Variants in ZGRF1 observed in about 807,000 individuals in gnomAD.
ZGRF1 encodes zinc finger GRF-type containing 1.
ZGRF1 carries 196 observed loss-of-function variants against 203.5 expected under a neutral mutation model. The ratio of observed to expected loss-of-function variants is 0.96; its 90% CI spans 0.86 to 1.08. The LOEUF (loss-of-function observed/expected upper bound fraction) is 1.08, where lower values mean the gene tolerates loss of function less well. Among genes scored for constraint, ZGRF1 ranks in the 50% least tolerant of loss-of-function variants. ZGRF1 has a pLI of 0.00. For synonymous variants in ZGRF1, 809 were observed against 841.3 expected (o/e 0.96, Z 0.66); for missense variants, 2,326 against 2,416.3 (o/e 0.96, Z 0.78).
intron 20 of ZGRF1, among the ~76,000 whole-genome samples, chr4:112,556,184 C>G (rs1740912670): frequency 6.6e-6 from 1 of 151,838 alleles, no homozygotes; most frequent in Non-Finnish European, 1.5e-5. Context: ...TATTTAGAAG[C>G]TTAAAAGTTT....
chr4:112,576,368 C>G (rs538261930), intron 16 of ZGRF1, among the ~76,000 whole-genome samples: 1 of 152,144 alleles, frequency 6.6e-6, no homozygotes, highest in African/African-American at 2.4e-5. Context: ...AAAATCAGAG[C>G]GCCTCTCCTC....
At chr4:112,587,989 T>A in intron 11 of ZGRF1, 60 bp from the exon 12 acceptor site, 2 of 1,297,560 alleles carry the variant, frequency 1.5e-6, no homozygotes, top group Non-Finnish European at 2.1e-6. Flanking sequence ...ACCTAGGCTC[T>A]AGAAAACAGT....
In ZGRF1 at chr4:112,560,989, C is replaced by G. The variant is rs761553634; in HGVS notation, c.4704G>C (p.Ser1568=). ...PLTQYLLTTS[S]PTIVSNKRVS... is the part of the protein sequence containing the mutation. The stretch of plus-strand genomic sequence containing the variant: ...CTCTTTTGTTACTAACTATAGTTGG[C>G]GAAGACCTAATAAAAATGAAGCAAA... Residue 1568 remains serine (S), a synonymous_variant, in exon 19 of 28, where the codon TCG becomes TCC. Coordinates refer to ENST00000505019, the MANE Select transcript of ZGRF1 (RefSeq NM_018392.5). 3 of 1,604,566 alleles carry G rather than the reference C, an allele frequency of 1.9e-6. No individual in the cohort carries two copies. The highest frequency in any genetic ancestry group is 2.6e-6 in the Non-Finnish European group (3 of 1,173,326).
intron 23 of ZGRF1, among the ~76,000 whole-genome samples, chr4:112,547,690 T>C (rs961549367): frequency 6.6e-6 from 1 of 152,188 alleles, no homozygotes; most frequent in Non-Finnish European, 1.5e-5. Flanking sequence ...ATTTGGGAAA[T>C]GCTGGTTTTT....
In ZGRF1 at chr4:112,633,182, C is replaced by T. The variant is rs2047469348; in HGVS notation, c.-6G>A. On this transcript the variant is annotated 5_prime_UTR_variant, in exon 2 of 28. Coordinates refer to ENST00000505019, the MANE Select transcript of ZGRF1 (RefSeq NM_018392.5). ...ATAAATTCTTGGCTTTCCATTATTT[C>T]TTCTGAAGTTATAAACCAGCTGGGT... 6.2e-7 allele frequency: 1 copy of T among 1,608,536 alleles called. No individual in the cohort carries two copies. Among genetic ancestry groups the T allele is most frequent in the Non-Finnish European group, 8.5e-7 (1 of 1,175,900 alleles).
At chr4:112,585,040 A>G (rs1222537653) in intron 14 of ZGRF1, among the ~76,000 whole-genome samples, 2 of 152,214 alleles carry the variant, frequency 1.3e-5, no homozygotes, top group Non-Finnish European at 2.9e-5. Flanking sequence ...TCAGGTTGGA[A>G]CATATCCCCC....
At chr4:112,581,610 T>A (rs575437984) in intron 16 of ZGRF1, 53 bp downstream of exon 16, 1 of 1,340,236 alleles carries the variant, frequency 7.5e-7, no homozygotes, top group African/African-American at 1.5e-5. Flanking sequence ...CAGCTGTATG[T>A]AATGGAGATA....
Position 112,625,043 on chromosome 4 carries a change from C to T in ZGRF1, c.103-1167G>A, listed in dbSNP as rs80123800. 2.0e-3 allele frequency among the ~76,000 whole-genome samples: 304 copies of T among 152,250 alleles called. 9 individuals are homozygous for T. The East Asian group carries it at 0.048, about 24-fold the overall frequency. On this transcript the variant is annotated intron_variant, in intron 3 of 27. Transcript: ENST00000505019. The stretch of plus-strand genomic sequence containing the variant: ...GTGTTAAACCCAGATACTCCAGGTA[C>T]TCTGCAGGCTGAGATGCAAGGATTA...
chr4:112,560,673 T>A lies in ZGRF1; in HGVS notation c.4960+60A>T, dbSNP rs1578721148. 2.9e-6 allele frequency: 4 copies of A among 1,362,246 alleles called. No homozygotes were observed. The East Asian group carries it at 9.3e-5, about 32-fold the overall frequency. The allele number at this position is 1,362,246 out of a possible 1,614,324, so 84.4% of individuals were successfully genotyped here. On this transcript the variant is annotated intron_variant, in intron 19 of 27. Coordinates refer to ENST00000505019, the MANE Select transcript of ZGRF1 (RefSeq NM_018392.5). ...ACTAGGAAATTATAAAGGAGCAGAC[T>A]GAGTTACAAAAGCTTACAAATAGAA...
chr4:112,610,984 A>T, intron 7 of ZGRF1: 1 of 268,792 alleles, frequency 3.7e-6, no homozygotes. Flanking sequence ...ATATTCTGAG[A>T]GGCAGGGTAG....
chr4:112,635,231 G>C (rs1264929435), intron 1 of ZGRF1, among the ~76,000 whole-genome samples: 1 of 151,890 alleles, frequency 6.6e-6, no homozygotes, highest in Non-Finnish European at 1.5e-5. Flanking sequence ...AGATAAAAGA[G>C]AGATCGAGAA....
intron 3 of ZGRF1, among the ~76,000 whole-genome samples, chr4:112,625,381 C>T (rs762889384): frequency 6.7e-6 from 1 of 149,782 alleles, no homozygotes; most frequent in Non-Finnish European, 1.5e-5. Context: ...GTCAGGAGAT[C>T]GAGACCATCC....
At position 112,631,981 on chromosome 4, in the gene ZGRF1, C is replaced by T. The variant is rs2047426053; in HGVS notation, c.51G>A (p.Lys17=). ...GAATTCCATCTTGCCACACTTTTGA[C>T]TTCTTCATCTTTTGATGAGTATATA... The part of the protein sequence containing the change: ...IVLYTHQKMK[K]SKVWQDGILK... Residue 17 remains lysine (K), a synonymous_variant, in exon 3 of 28, where the codon AAG becomes AAA. Transcript: ENST00000505019. 6.3e-7 allele frequency: 1 copy of T among 1,592,124 alleles called. No homozygotes were observed. The highest frequency in any genetic ancestry group is 1.2e-5 in the South Asian group (1 of 85,734).
intron 16 of ZGRF1, among the ~76,000 whole-genome samples, chr4:112,571,059 G>T (rs1486233688): frequency 6.7e-6 from 1 of 149,930 alleles, no homozygotes; most frequent in East Asian, 2.0e-4. Flanking sequence ...AGCCAAGATT[G>T]TGCCACTGCA....
chr4:112,567,574 C>A (rs1277946544), intron 16 of ZGRF1, among the ~76,000 whole-genome samples: 2 of 152,094 alleles, frequency 1.3e-5, no homozygotes, highest in African/African-American at 4.8e-5. Context: ...GAGTTTGAGG[C>A]CAGCCTAGGC....
chr4:112,606,244 G>A (rs1361639145), intron 8 of ZGRF1, among the ~76,000 whole-genome samples, 153 bp from the exon 9 acceptor site: 1 of 152,168 alleles, frequency 6.6e-6, no homozygotes, highest in Non-Finnish European at 1.5e-5. Flanking sequence ...ACACATACAA[G>A]CTAGCTCTCC....
chr4:112,563,673 T>A (rs1294451322), intron 16 of ZGRF1, among the ~76,000 whole-genome samples: 2 of 152,244 alleles, frequency 1.3e-5, no homozygotes, highest in Non-Finnish European at 2.9e-5. Flanking sequence ...CCCATAAGAC[T>A]ATTTTATTAG....
chr4:112,604,165 A>G (rs936903899), intron 9 of ZGRF1, among the ~76,000 whole-genome samples: 1 of 151,984 alleles, frequency 6.6e-6, no homozygotes, highest in Non-Finnish European at 1.5e-5. Flanking sequence ...TGGAGGTTGC[A>G]GTGAGCTGAG....
intron 3 of ZGRF1, among the ~76,000 whole-genome samples, chr4:112,624,593 T>C (rs1422580248): frequency 3.3e-5 from 5 of 152,094 alleles, no homozygotes; most frequent in Admixed American, 2.6e-4. Context: ...ACTTAAGATA[T>C]TGACATTTGG....
Sources: gnomAD v4.1 joint callset for allele counts (sites outside exome capture counted in the v4.1 genomes callset) on GRCh38, gnomAD v4.1.1 for gene constraint, MANE v1.5 for transcripts, NCBI Gene and HGNC (gene_info 2026-07-23, HGNC 2026-07-21) for gene names.